SGCZ: variants seen among roughly 807,000 people sequenced by gnomAD.
SGCZ encodes the protein zeta-sarcoglycan.
In SGCZ, 40 loss-of-function variants were observed where a neutral mutation model predicts 41.3. The observed-to-expected ratio is 0.97, with a 90% CI of 0.75 to 1.26. The LOEUF (loss-of-function observed/expected upper bound fraction) is 1.26, where lower values mean the gene tolerates loss of function less well. Ranked by LOEUF, SGCZ falls within the 50% of genes most tolerant of loss-of-function variation. The pLI is 0.00. For synonymous variants in SGCZ, 206 were observed against 137.5 expected (o/e 1.50, Z -3.49); for missense variants, 552 against 369.8 (o/e 1.49, Z -4.04).
At chr8:14,397,434 T>A (rs1213676455) in intron 2 of SGCZ, among the ~76,000 whole-genome samples, 2 of 152,130 alleles carry the variant, frequency 1.3e-5, no homozygotes, top group African/African-American at 4.8e-5. Flanking sequence ...ATAATTTCTT[T>A]TTTTCTATTT....
intron 4 of SGCZ, among the ~76,000 whole-genome samples, chr8:14,179,478 C>G (rs1804653197): frequency 6.6e-6 from 1 of 152,226 alleles, no homozygotes; most frequent in African/African-American, 2.4e-5. Flanking sequence ...CACATCCCCA[C>G]TGTCTGTCAC....
At chr8:14,958,031 A>G (rs1292672799) in intron 1 of SGCZ, among the ~76,000 whole-genome samples, 2 of 152,106 alleles carry the variant, frequency 1.3e-5, no homozygotes, top group Non-Finnish European at 1.5e-5. Flanking sequence ...AAGTCACAAA[A>G]GTGAATTTAT....
At chr8:14,312,044 T>C (rs539630221) in intron 3 of SGCZ, among the ~76,000 whole-genome samples, 147 of 152,236 alleles carry the variant, frequency 9.7e-4, no homozygotes, top group Non-Finnish European at 1.7e-3. Flanking sequence ...GTTATTTTAG[T>C]AGCTATTAGT....
At chr8:15,095,262 C>G (rs1806302690) in intron 1 of SGCZ, among the ~76,000 whole-genome samples, 2 of 152,084 alleles carry the variant, frequency 1.3e-5, no homozygotes, top group African/African-American at 4.8e-5. Flanking sequence ...TCACCCCTAG[C>G]TAATTTTTGT....
chr8:14,646,818 T>G (rs1807237527), intron 1 of SGCZ, among the ~76,000 whole-genome samples: 1 of 151,948 alleles, frequency 6.6e-6, no homozygotes, highest in Non-Finnish European at 1.5e-5. Flanking sequence ...TTGGCACCAA[T>G]AATACACCAG....
At chr8:14,176,215 G>A (rs1454857976) in intron 4 of SGCZ, among the ~76,000 whole-genome samples, 1 of 152,116 alleles carries the variant, frequency 6.6e-6, no homozygotes, top group Admixed American at 6.5e-5. Context: ...CCAACAATAT[G>A]CCATAAAGTA....
intron 5 of SGCZ, among the ~76,000 whole-genome samples, chr8:14,131,271 C>G (rs995360277): frequency 1.3e-5 from 2 of 152,130 alleles, no homozygotes; most frequent in African/African-American, 2.4e-5. Context: ...AAGAACGCAG[C>G]CTTTGCCACA....
intron 1 of SGCZ, among the ~76,000 whole-genome samples, chr8:15,175,682 C>T (rs943010527): frequency 6.6e-6 from 1 of 151,952 alleles, no homozygotes; most frequent in Non-Finnish European, 1.5e-5. Context: ...TGCACATGTA[C>T]CCCTAAACCT....
At chr8:14,241,857 G>A (rs1798904281) in intron 3 of SGCZ, among the ~76,000 whole-genome samples, 1 of 152,132 alleles carries the variant, frequency 6.6e-6, no homozygotes, top group Admixed American at 6.6e-5. Flanking sequence ...AATGAAATAT[G>A]TTCTTCTCAT....
chr8:14,303,132 A>T (rs1174751177), intron 3 of SGCZ, among the ~76,000 whole-genome samples: 6 of 152,220 alleles, frequency 3.9e-5, no homozygotes, highest in Non-Finnish European at 7.3e-5. Context: ...TGTCATAAAT[A>T]TAAAAGAAAA....
chr8:14,578,349 A>G (rs1209734830), intron 1 of SGCZ, among the ~76,000 whole-genome samples: 2 of 152,140 alleles, frequency 1.3e-5, no homozygotes, highest in Admixed American at 1.3e-4. Context: ...CCCACCAGTT[A>G]TCAGCAGACC....
chr8:15,164,485 C>A (rs1281697790), intron 1 of SGCZ, among the ~76,000 whole-genome samples: 1 of 152,236 alleles, frequency 6.6e-6, no homozygotes, highest in East Asian at 1.9e-4. Context: ...GAGCCCTCCC[C>A]AGCCCAGGGG....
chr8:14,865,539 T>C (rs547294252), intron 1 of SGCZ, among the ~76,000 whole-genome samples: 20 of 152,184 alleles, frequency 1.3e-4, no homozygotes, highest in African/African-American at 4.6e-4. Context: ...GGGGTATCTG[T>C]TTGTTCTTGG....
At chr8:14,625,330 G>A (rs927268643) in intron 1 of SGCZ, among the ~76,000 whole-genome samples, 2 of 152,076 alleles carry the variant, frequency 1.3e-5, no homozygotes, top group Non-Finnish European at 2.9e-5. Context: ...AGCAGCTTCT[G>A]TTGTGTGGCC....
chr8:14,113,859 A>T (rs1802444811), intron 5 of SGCZ, among the ~76,000 whole-genome samples: 1 of 152,044 alleles, frequency 6.6e-6, no homozygotes, highest in African/African-American at 2.4e-5. Context: ...TTTCAGTGAC[A>T]AGACAACTCA....
At chr8:14,678,179 A>G (rs115184097) in intron 1 of SGCZ, among the ~76,000 whole-genome samples, 164 of 152,354 alleles carry the variant, frequency 1.1e-3, no homozygotes, top group Middle Eastern at 3.4e-3. Context: ...TGGAACAAAG[A>G]ATTAATAAAT....
At chr8:14,222,993 G>C (rs66963659) in intron 4 of SGCZ, among the ~76,000 whole-genome samples, 35,978 of 150,930 alleles carry the variant, frequency 0.24, 5,502 homozygotes, top group Non-Finnish European at 0.34. Flanking sequence ...TGTATTTTTA[G>C]TAGAGACAGG....
At chr8:14,218,905 A>G (rs1048171310) in intron 4 of SGCZ, among the ~76,000 whole-genome samples, 3 of 152,166 alleles carry the variant, frequency 2.0e-5, no homozygotes, top group Admixed American at 1.3e-4. Context: ...ACGACCACCA[A>G]TTGAGTGCAG....
intron 2 of SGCZ, among the ~76,000 whole-genome samples, chr8:14,502,359 T>C (rs1228359011): frequency 6.6e-6 from 1 of 152,196 alleles, no homozygotes; most frequent in East Asian, 1.9e-4. Context: ...ATAAGTAATA[T>C]TTATTCATGT....
Sources: gnomAD v4.1 joint callset for allele counts (sites outside exome capture counted in the v4.1 genomes callset) on GRCh38, gnomAD v4.1.1 for gene constraint, MANE v1.5 for transcripts, NCBI Gene and HGNC (gene_info 2026-07-23, HGNC 2026-07-21) for gene names.